Variants in GALNTL6 observed in about 807,000 individuals in gnomAD.
The protein encoded by GALNTL6 is polypeptide N-acetylgalactosaminyltransferase like 6.
GALNTL6 carries 46 observed loss-of-function variants against 73.7 expected under a neutral mutation model. That is an observed-to-expected ratio of 0.62 (90% CI 0.49 to 0.80). The LOEUF (loss-of-function observed/expected upper bound fraction) is 0.80, where lower values mean the gene tolerates loss of function less well. Among genes scored for constraint, GALNTL6 ranks in the 30% least tolerant of loss-of-function variants. GALNTL6 has a pLI of 0.00. For synonymous variants in GALNTL6, 259 were observed against 263.7 expected, an observed-to-expected ratio of 0.98 and a Z score of 0.17; for missense variants, 604 against 755.0, an observed-to-expected ratio of 0.80 and a Z score of 2.34.
chr4:172,894,031 T>C (rs1005475867), intron 8 of GALNTL6, among the ~76,000 whole-genome samples: 2 of 152,146 alleles, frequency 1.3e-5, no homozygotes, highest in African/African-American at 4.8e-5. Flanking sequence ...TCTTCAAATA[T>C]GGTGTATATG....
chr4:172,053,464 G>A lies in GALNTL6; in HGVS notation c.139-176192G>A, dbSNP rs200396688. On this transcript the variant is annotated intron_variant, in intron 2 of 12. Coordinates refer to ENST00000506823, the MANE Select transcript of GALNTL6 (RefSeq NM_001034845.3). ...TCTCCTGAAAGCTGCTTCCTTTAGT[G>A]CCTGTGGTGTTGGCATGAATAGCTC... 3.3e-5 allele frequency among the ~76,000 whole-genome samples: 5 copies of A among 152,224 alleles called. No homozygotes were observed. In the East Asian group the frequency reaches 9.7e-4, roughly 29 times the overall value.
intron 2 of GALNTL6, among the ~76,000 whole-genome samples, chr4:172,189,480 G>T (rs575799409): frequency 1.8e-3 from 271 of 152,200 alleles, no homozygotes; most frequent in African/African-American, 6.1e-3. Context: ...TCAGTTTGGG[G>T]GAGTATTTCT....
At chr4:172,048,203 A>G (rs1304216710) in intron 2 of GALNTL6, among the ~76,000 whole-genome samples, 1 of 152,174 alleles carries the variant, frequency 6.6e-6, no homozygotes, top group Non-Finnish European at 1.5e-5. Context: ...TGAACTGACT[A>G]CTGCCTCAGA....
At chr4:172,833,828 A>G (rs1362811178) in intron 7 of GALNTL6, among the ~76,000 whole-genome samples, 1 of 152,226 alleles carries the variant, frequency 6.6e-6, no homozygotes, top group Non-Finnish European at 1.5e-5. Flanking sequence ...AGAAGGGAGT[A>G]GTCAACTTCC....
At chr4:172,856,603 T>C (rs549065597) in intron 7 of GALNTL6, among the ~76,000 whole-genome samples, 1 of 152,034 alleles carries the variant, frequency 6.6e-6, no homozygotes, top group South Asian at 2.1e-4. Context: ...CTTCTTTTTG[T>C]GGACTGATAA....
At chr4:172,142,742 G>A (rs543397963) in intron 2 of GALNTL6, among the ~76,000 whole-genome samples, 76 of 151,784 alleles carry the variant, frequency 5.0e-4, no homozygotes, top group African/African-American at 1.8e-3. Context: ...AAATTCTAAG[G>A]CATTAGAGAA....
chr4:172,241,135 G>C (rs998895868), intron 3 of GALNTL6, among the ~76,000 whole-genome samples: 3 of 152,182 alleles, frequency 2.0e-5, no homozygotes, highest in Non-Finnish European at 4.4e-5. Context: ...TTGAAGTTTG[G>C]TCTGTGATCC....
intron 2 of GALNTL6, among the ~76,000 whole-genome samples, chr4:172,081,070 G>A (rs1006984613): frequency 1.3e-5 from 2 of 152,098 alleles, no homozygotes; most frequent in Non-Finnish European, 2.9e-5. Context: ...AATGTACTAT[G>A]TTTAAATAAC....
intron 2 of GALNTL6, among the ~76,000 whole-genome samples, chr4:171,878,198 A>G (rs1578934077): frequency 6.6e-6 from 1 of 152,216 alleles, no homozygotes; most frequent in East Asian, 1.9e-4. Context: ...CGTGTAATTT[A>G]TAATCCAAAC....
At chr4:172,053,724 A>G (rs913841861) in intron 2 of GALNTL6, among the ~76,000 whole-genome samples, 7 of 152,074 alleles carry the variant, frequency 4.6e-5, no homozygotes, top group Admixed American at 3.9e-4. Flanking sequence ...AGCTGTGTCT[A>G]TGTGTATGGT....
chr4:172,653,761 A>C (rs2111158718), intron 5 of GALNTL6, among the ~76,000 whole-genome samples: 1 of 152,358 alleles, frequency 6.6e-6, no homozygotes, highest in Admixed American at 6.5e-5. Flanking sequence ...TAGAATCTGC[A>C]TTTGTGACTA....
intron 2 of GALNTL6, among the ~76,000 whole-genome samples, chr4:172,038,129 C>A (rs202141369): frequency 1.1e-4 from 14 of 131,042 alleles, no homozygotes; most frequent in South Asian, 5.2e-4. Context: ...AAAAAAAAAA[C>A]AAAAAAATTT....
chr4:171,960,855 A>G (rs1166888981), intron 2 of GALNTL6, among the ~76,000 whole-genome samples: 1 of 151,970 alleles, frequency 6.6e-6, no homozygotes, highest in Non-Finnish European at 1.5e-5. Flanking sequence ...TGGTGGTGTG[A>G]ATCTAGTTGC....
intron 5 of GALNTL6, among the ~76,000 whole-genome samples, chr4:172,371,679 CT>C (rs1387375663): frequency 1.3e-5 from 2 of 152,018 alleles, no homozygotes; most frequent in African/African-American, 4.8e-5. Context: ...CTCTCTCTGT[CT>C]CTTCCTCTCT....
chr4:172,408,244 T>A (rs1229011330), intron 5 of GALNTL6, among the ~76,000 whole-genome samples: 1 of 152,012 alleles, frequency 6.6e-6, no homozygotes, highest in Non-Finnish European at 1.5e-5. Context: ...TCCATTCGAG[T>A]GCTATCATTT....
chr4:171,866,075 T>C (rs1015337425), intron 2 of GALNTL6, among the ~76,000 whole-genome samples: 7 of 152,140 alleles, frequency 4.6e-5, no homozygotes, highest in African/African-American at 1.7e-4. Context: ...TAAAGGACCC[T>C]AATAATGGAA....
At chr4:172,211,301 C>G (rs1736314943) in intron 2 of GALNTL6, among the ~76,000 whole-genome samples, 1 of 152,160 alleles carries the variant, frequency 6.6e-6, no homozygotes, top group Admixed American at 6.5e-5. Context: ...GTCCTTGCCC[C>G]TAGGCCTTCT....
chr4:172,388,122 T>C (rs1743536857), intron 5 of GALNTL6, among the ~76,000 whole-genome samples: 2 of 152,130 alleles, frequency 1.3e-5, no homozygotes, highest in Admixed American at 6.5e-5. Context: ...GTTATCACCA[T>C]TTTTAACAGA....
At chr4:172,352,226 T>C (rs976761595) in intron 5 of GALNTL6, among the ~76,000 whole-genome samples, 9 of 152,296 alleles carry the variant, frequency 5.9e-5, no homozygotes, top group African/African-American at 2.2e-4. Flanking sequence ...GTTCTCAAAA[T>C]GCTTTAAAAA....
Sources: allele counts gnomAD v4.1 joint callset (sites outside exome capture counted in the v4.1 genomes callset), GRCh38; gene constraint gnomAD v4.1.1; transcripts MANE v1.5; gene names NCBI Gene and HGNC (gene_info 2026-07-23, HGNC 2026-07-21).